The following FAM83B variants were observed in gnomAD, a reference collection of about 807,000 sequenced individuals.
FAM83B encodes the protein scaffolding CK1 anchoring protein B, also known as protein FAM83B.
Under a neutral mutation model 38.8 loss-of-function variants are expected in FAM83B, and 26 were observed. That is an observed-to-expected ratio of 0.67 (90% CI 0.49 to 0.93). The LOEUF (loss-of-function observed/expected upper bound fraction) is 0.93, where lower values mean the gene tolerates loss of function less well. FAM83B is among the 40% of genes least tolerant of loss of function. The pLI, the probability that FAM83B is intolerant of heterozygous loss-of-function variation, is 0.00. For synonymous variants in FAM83B, 419 were observed against 423.1 expected (o/e 0.99, Z 0.12); for missense variants, 1,237 against 1,197.3 (o/e 1.03, Z -0.49).
At chr6:54,848,723 A>G (rs1771197887) in intron 1 of FAM83B, among the ~76,000 whole-genome samples, 2 of 152,198 alleles carry the variant, frequency 1.3e-5, no homozygotes, top group African/African-American at 4.8e-5. Flanking sequence ...TACAATACTG[A>G]GTTGCCAAAA....
intron 4 of FAM83B, among the ~76,000 whole-genome samples, chr6:54,932,275 G>A (rs572244756): frequency 1.3e-5 from 2 of 152,060 alleles, no homozygotes; most frequent in Non-Finnish European, 2.9e-5. Flanking sequence ...ACCTCCCAAA[G>A]TGCTGGGATT....
At chr6:54,916,560 T>G (rs2127585986) in intron 2 of FAM83B, among the ~76,000 whole-genome samples, 1 of 152,338 alleles carries the variant, frequency 6.6e-6, no homozygotes, top group South Asian at 2.1e-4. Context: ...GTTTTCCAAC[T>G]GGCTCAGTCT....
chr6:54,882,453 A>G (rs946962007), intron 2 of FAM83B, among the ~76,000 whole-genome samples: 13 of 152,168 alleles, frequency 8.5e-5, no homozygotes, highest in African/African-American at 3.1e-4. Context: ...TCTAGGCTTC[A>G]GAAGTAGAAA....
chr6:54,921,176 T>C (rs1413660684), intron 2 of FAM83B, among the ~76,000 whole-genome samples: 3 of 152,012 alleles, frequency 2.0e-5, no homozygotes, highest in Non-Finnish European at 4.4e-5. Context: ...TCTTTCATTC[T>C]ACTGTATTCC....
At position 54,870,598 on chromosome 6, in the gene FAM83B, G is replaced by C; in HGVS notation, c.352G>C (p.Gly118Arg). ...WPYVMPGLLG[G>R]THIDLLFHPP... ...ATATGTGATGCCCGGACTCTTAGGG[G>C]GCACCCATATAGATCTCCTTTTTCA... The change falls in exon 2 of 5, where the codon GGC becomes CGC. Residue 118 changes from glycine to arginine, a missense_variant. Coordinates refer to ENST00000306858, the MANE Select transcript of FAM83B (RefSeq NM_001010872.3). The C allele has an allele frequency of 6.2e-7, 1 of 1,613,728 alleles. No homozygotes were observed. The highest frequency in any genetic ancestry group is 8.5e-7 in the Non-Finnish European group (1 of 1,179,906).
chr6:54,904,011 C>T (rs2127582816), intron 2 of FAM83B, among the ~76,000 whole-genome samples: 1 of 151,606 alleles, frequency 6.6e-6, no homozygotes, highest in South Asian at 2.1e-4. Flanking sequence ...TGAAAACTGT[C>T]CTCTGCATCC....
intron 1 of FAM83B, among the ~76,000 whole-genome samples, chr6:54,865,546 A>G (rs1155750): frequency 0.79 from 119,955 of 152,138 alleles, 48,566 homozygotes; most frequent in East Asian, 0.98. Flanking sequence ...AAAGCATTCA[A>G]TACTTGGAGA....
rs750088415 is a variant in FAM83B at position 54,940,410 on chromosome 6, G to A, written c.1439G>A (p.Arg480Gln). The A allele has an allele frequency of 1.9e-5, 30 of 1,613,840 alleles. No individual in the cohort carries two copies. Among genetic ancestry groups the A allele is most frequent in the East Asian group, 4.5e-5 (2 of 44,888 alleles). The part of the protein sequence containing the change: ...TDNHIRFLQQ[R>Q]MPTLEHTTKS... ...AACCATATCCGCTTTTTGCAACAACGAATGCCAACCCTTGAACATACCACA... is the reference window on the plus strand; with the variant it reads ...AACCATATCCGCTTTTTGCAACAACAAATGCCAACCCTTGAACATACCACA... The change falls in exon 5 of 5, where the codon CGA becomes CAA. Residue 480 changes from arginine (R) to glutamine (Q), a missense_variant. Physicochemically the swap from Arg to Gln is conservative, Grantham distance 43. Coordinates refer to ENST00000306858, the MANE Select transcript of FAM83B (RefSeq NM_001010872.3).
At chr6:54,900,673 T>G (rs1435080950) in intron 2 of FAM83B, among the ~76,000 whole-genome samples, 1 of 152,196 alleles carries the variant, frequency 6.6e-6, no homozygotes, top group Non-Finnish European at 1.5e-5. Flanking sequence ...AATATACACA[T>G]ATATGTAACA....
intron 2 of FAM83B, among the ~76,000 whole-genome samples, chr6:54,883,194 T>C (rs1048613932): frequency 4.6e-5 from 7 of 152,144 alleles, no homozygotes; most frequent in Non-Finnish European, 1.0e-4. Context: ...CCGCCCACCT[T>C]GGCCTCCCAA....
chr6:54,859,540 C>T (rs949468749), intron 1 of FAM83B, among the ~76,000 whole-genome samples: 8 of 152,118 alleles, frequency 5.3e-5, no homozygotes, highest in Admixed American at 5.2e-4. Flanking sequence ...TCATAGAGCT[C>T]ACAGTCTAGT....
chr6:54,944,569 T>C lies in FAM83B; in HGVS notation c.*2562T>C, dbSNP rs895067010. On this transcript the variant is annotated 3_prime_UTR_variant, in exon 5 of 5. Coordinates refer to ENST00000306858, the MANE Select transcript of FAM83B (RefSeq NM_001010872.3). ...GGTATATGTTGTCAGTCTACACTTG[T>C]GGAAGCAAATATCTTGTTTAATCAA... 10 of 152,174 alleles carry C rather than the reference T, an allele frequency of 6.6e-5. No individual in the cohort carries two copies. The highest frequency in any genetic ancestry group is 1.5e-5 in the Non-Finnish European group (1 of 68,036). 9.4% of individuals were successfully genotyped at this position (152,174 alleles called of 1,614,324 possible).
chr6:54,873,681 A>G (rs1242222423), intron 2 of FAM83B, among the ~76,000 whole-genome samples: 6 of 145,736 alleles, frequency 4.1e-5, no homozygotes, highest in Non-Finnish European at 9.0e-5. Context: ...GTATATTTTA[A>G]TGGATAAAGT....
chr6:54,848,290 G>C lies in FAM83B; in HGVS notation c.-61+1464G>C, dbSNP rs78095679. 2.0e-5 allele frequency among the ~76,000 whole-genome samples: 3 copies of C among 152,146 alleles called. No individual in the cohort carries two copies. The South Asian group carries it at 6.2e-4, about 32-fold the overall frequency. On this transcript the variant is annotated intron_variant, in intron 1 of 4. Coordinates refer to ENST00000306858, the MANE Select transcript of FAM83B (RefSeq NM_001010872.3). ...CAAATTCCACCCCCTTGCCTTTGGG[G>C]CTCAGGCACACGTGGGGTATACACC...
intron 2 of FAM83B, among the ~76,000 whole-genome samples, chr6:54,888,743 T>C (rs1115159): frequency 0.43 from 64,770 of 151,504 alleles, 14,854 homozygotes; most frequent in East Asian, 0.83. Flanking sequence ...ATTTTTTTTT[T>C]CTCCTTGACA....
intron 2 of FAM83B, among the ~76,000 whole-genome samples, chr6:54,893,312 A>G (rs1236262667): frequency 3.3e-5 from 5 of 152,124 alleles, no homozygotes; most frequent in African/African-American, 1.2e-4. Flanking sequence ...AGAATTTTTT[A>G]TTTATACCAT....
chr6:54,872,236 A>G (rs1771874300), intron 2 of FAM83B, among the ~76,000 whole-genome samples: 1 of 152,190 alleles, frequency 6.6e-6, no homozygotes, highest in African/African-American at 2.4e-5. Context: ...CTTTTATTGA[A>G]TGAATTGAAC....
chr6:54,889,385 C>G (rs904438940), intron 2 of FAM83B, among the ~76,000 whole-genome samples: 2 of 151,926 alleles, frequency 1.3e-5, no homozygotes, highest in African/African-American at 4.8e-5. Context: ...AACCATTATC[C>G]CAATGAAGTG....
intron 2 of FAM83B, among the ~76,000 whole-genome samples, chr6:54,870,917 C>G (rs534676692): frequency 6.6e-6 from 1 of 152,256 alleles, no homozygotes; most frequent in South Asian, 2.1e-4. Context: ...ATTTCCTTTT[C>G]TTAATAATGT....
Sources: gnomAD v4.1 joint callset for allele counts (sites outside exome capture counted in the v4.1 genomes callset) on GRCh38, gnomAD v4.1.1 for gene constraint, MANE v1.5 for transcripts, NCBI Gene and HGNC (gene_info 2026-07-23, HGNC 2026-07-21) for gene names.